Variants in ANK3 observed in about 807,000 individuals in gnomAD.
ANK3 encodes ankyrin-3.
Under a neutral mutation model 370.9 loss-of-function variants are expected in ANK3, and 57 were observed. That is an observed-to-expected ratio of 0.15 (90% CI 0.12 to 0.19). The LOEUF is 0.19. Ranked by LOEUF, ANK3 falls within the 10% of genes least tolerant of loss-of-function variation. The pLI is 1.00. For synonymous variants in ANK3, 1,929 were observed against 1,946.3 expected (o/e 0.99, Z 0.23); for missense variants, 4,439 against 5,302.1 (o/e 0.84, Z 5.06).
intron 2 of ANK3, among the ~76,000 whole-genome samples, chr10:60,609,031 G>T (rs988975879): frequency 1.3e-5 from 2 of 152,212 alleles, no homozygotes; most frequent in East Asian, 3.9e-4. Context: ...CCTGGAAAAT[G>T]GGGTTAGAAT....
intron 1 of ANK3, among the ~76,000 whole-genome samples, chr10:60,726,318 T>A (rs2079940294): frequency 1.3e-5 from 2 of 152,182 alleles, no homozygotes; most frequent in South Asian, 4.1e-4. Context: ...TTCCACTCCA[T>A]CTAATTTCTG....
At chr10:60,059,826 T>C in intron 40 of ANK3, 1 of 1,614,242 alleles carries the variant, frequency 6.2e-7, no homozygotes, top group Non-Finnish European at 8.5e-7. Flanking sequence ...TGGAGGTCCA[T>C]CTGCGGAATG....
At chr10:60,067,201 T>C (rs2131957151) in intron 38 of ANK3, among the ~76,000 whole-genome samples, 1 of 152,320 alleles carries the variant, frequency 6.6e-6, no homozygotes, top group South Asian at 2.1e-4. Flanking sequence ...GCATGAATTT[T>C]ATAGAATTCA....
intron 2 of ANK3, among the ~76,000 whole-genome samples, chr10:60,609,977 G>A (rs1234229735): frequency 3.3e-5 from 5 of 151,858 alleles, no homozygotes; most frequent in African/African-American, 1.2e-4. Flanking sequence ...AAACTTTAAG[G>A]GTTAATCAGA....
intron 1 of ANK3, among the ~76,000 whole-genome samples, chr10:60,307,401 T>C (rs1327618205): frequency 2.0e-5 from 3 of 152,076 alleles, no homozygotes; most frequent in Non-Finnish European, 4.4e-5. Flanking sequence ...GGCATGATCA[T>C]AGCTCACCAC....
At chr10:60,401,131 A>G (rs1038702169) in intron 2 of ANK3, among the ~76,000 whole-genome samples, 1 of 152,210 alleles carries the variant, frequency 6.6e-6, no homozygotes, top group African/African-American at 2.4e-5. Context: ...TCAGTCACAG[A>G]AAGACAAATA....
chr10:60,661,987 G>A (rs918857296), intron 1 of ANK3, among the ~76,000 whole-genome samples: 2 of 152,076 alleles, frequency 1.3e-5, no homozygotes, highest in African/African-American at 4.8e-5. Flanking sequence ...ATACTACCAG[G>A]CTGTCAAGAA....
At chr10:60,725,368 C>T (rs2079927535) in intron 1 of ANK3, among the ~76,000 whole-genome samples, 1 of 152,168 alleles carries the variant, frequency 6.6e-6, no homozygotes, top group African/African-American at 2.4e-5. Flanking sequence ...GACATGTCCT[C>T]TTGGGGACCT....
chr10:60,256,306 G>C (rs1474939552), intron 7 of ANK3, among the ~76,000 whole-genome samples: 1 of 152,144 alleles, frequency 6.6e-6, no homozygotes, highest in East Asian at 1.9e-4. Flanking sequence ...TGGTAGAGTA[G>C]GTAACTCAAG....
intron 2 of ANK3, among the ~76,000 whole-genome samples, chr10:60,482,243 A>C (rs552954824): frequency 3.8e-4 from 58 of 152,298 alleles, no homozygotes; most frequent in Admixed American, 1.3e-3. Flanking sequence ...GACCTGAAGC[A>C]TCTGCACTAT....
At chr10:60,424,191 A>G (rs535811956) in intron 2 of ANK3, among the ~76,000 whole-genome samples, 2 of 152,132 alleles carry the variant, frequency 1.3e-5, no homozygotes, top group African/African-American at 4.8e-5. Context: ...TTTGGCCAGC[A>G]CAGCTCCAGT....
intron 2 of ANK3, among the ~76,000 whole-genome samples, chr10:60,557,640 T>C (rs771294000): frequency 6.6e-6 from 1 of 152,144 alleles, no homozygotes; most frequent in Non-Finnish European, 1.5e-5. Flanking sequence ...TATTTTGCAA[T>C]ATAATATATA....
At chr10:60,127,992 C>A (rs879756783) in intron 25 of ANK3, among the ~76,000 whole-genome samples, 1 of 151,884 alleles carries the variant, frequency 6.6e-6, no homozygotes, top group Admixed American at 6.6e-5. Context: ...CCACCGCGCC[C>A]GGCCAGTTCT....
Position 60,067,953 on chromosome 10 carries a change from G to C in ANK3, c.12301C>G (p.Leu4101Val), listed in dbSNP as rs1452694020. The C allele has an allele frequency of 6.2e-7, 1 of 1,610,150 alleles. No homozygotes were observed. The highest frequency in any genetic ancestry group is 2.2e-5 in the East Asian group (1 of 44,686). Residue 4101 changes from leucine (L) to valine (V), a missense_variant, in exon 38 of 44, where the codon CTG (leucine) becomes GTG (valine). By Grantham distance (32) the Leu-to-Val change is conservative (BLOSUM62 1). Transcript: ENST00000280772. ...DIRMAIVADH[L>V]GLSWTELARE... ...CACTTACCTGTCCAACTAAGTCCCAGGTGATCGGCTACTATTGCCATCCTG... is the reference window on the plus strand; with the variant it reads ...CACTTACCTGTCCAACTAAGTCCCACGTGATCGGCTACTATTGCCATCCTG...
chr10:60,124,835 C>G (rs1255587936), intron 25 of ANK3, among the ~76,000 whole-genome samples: 1 of 152,218 alleles, frequency 6.6e-6, no homozygotes, highest in African/African-American at 2.4e-5. Flanking sequence ...ACAAGCTAAA[C>G]ACTCCTCACA....
chr10:60,136,885 A>G (rs1421570498), intron 24 of ANK3, among the ~76,000 whole-genome samples: 1 of 152,192 alleles, frequency 6.6e-6, no homozygotes, highest in African/African-American at 2.4e-5. Flanking sequence ...ATTGTTTTCA[A>G]CTAAGGCCAA....
At chr10:60,677,934 C>T (rs1019075098) in intron 1 of ANK3, among the ~76,000 whole-genome samples, 7 of 152,134 alleles carry the variant, frequency 4.6e-5, no homozygotes, top group African/African-American at 1.4e-4. Flanking sequence ...AATTCCATCC[C>T]AGCTGCCCAA....
chr10:60,472,016 C>T (rs556415466), intron 2 of ANK3, among the ~76,000 whole-genome samples: 10 of 152,038 alleles, frequency 6.6e-5, no homozygotes, highest in South Asian at 2.1e-4. Context: ...GAATTTATTT[C>T]GGGGAAATTT....
At chr10:60,280,086 C>A (rs976991449) in intron 1 of ANK3, among the ~76,000 whole-genome samples, 4 of 152,146 alleles carry the variant, frequency 2.6e-5, no homozygotes, top group Admixed American at 2.6e-4. Flanking sequence ...TTCTTAGAGA[C>A]AGGGTCTCAC....
Sources: allele counts gnomAD v4.1 joint callset (sites outside exome capture counted in the v4.1 genomes callset), GRCh38; gene constraint gnomAD v4.1.1; transcripts MANE v1.5; gene names NCBI Gene and HGNC (gene_info 2026-07-23, HGNC 2026-07-21).